Variants in FNBP1L observed in about 807,000 individuals in gnomAD.
FNBP1L encodes formin-binding protein 1-like.
FNBP1L carries 36 observed loss-of-function variants against 91.2 expected under a neutral mutation model. The observed-to-expected ratio is 0.39, with a 90% CI of 0.30 to 0.52. The LOEUF (loss-of-function observed/expected upper bound fraction) is 0.52, where lower values mean the gene tolerates loss of function less well. FNBP1L is among the 20% of genes least tolerant of loss of function. The pLI is 0.66. For synonymous variants in FNBP1L, 242 were observed against 237.0 expected (o/e 1.02, Z -0.19); for missense variants, 571 against 732.1 (o/e 0.78, Z 2.54).
intron 1 of FNBP1L, among the ~76,000 whole-genome samples, chr1:93,467,717 G>A (rs1025435347): frequency 1.3e-5 from 2 of 152,042 alleles, no homozygotes; most frequent in Admixed American, 6.6e-5. Context: ...TGAGGCTGTA[G>A]TGTGCCATAA....
At chr1:93,496,661 C>T (rs1670272247) in intron 1 of FNBP1L, among the ~76,000 whole-genome samples, 1 of 152,084 alleles carries the variant, frequency 6.6e-6, no homozygotes, top group African/African-American at 2.4e-5. Flanking sequence ...GCCTCGGCCT[C>T]CCAAAGTGCT....
chr1:93,477,250 T>A (rs1669528702), intron 1 of FNBP1L, among the ~76,000 whole-genome samples: 2 of 152,226 alleles, frequency 1.3e-5, no homozygotes, highest in Non-Finnish European at 2.9e-5. Context: ...GGGTAGTAGA[T>A]GGCTAATTAT....
chr1:93,547,083 G>A (rs947571240), intron 13 of FNBP1L, 109 bp downstream of exon 13: 9 of 1,272,252 alleles, frequency 7.1e-6, no homozygotes, highest in Non-Finnish European at 8.7e-6. Flanking sequence ...TAATGTTAGG[G>A]TTTATGATCT....
At chr1:93,502,539 T>C (rs111434278) in intron 2 of FNBP1L, among the ~76,000 whole-genome samples, 2,447 of 152,300 alleles carry the variant, frequency 0.016, 67 homozygotes, top group African/African-American at 0.045. Context: ...TTGCCTTCTC[T>C]CTGTTCTGAG....
chr1:93,467,728 T>C (rs898969901), intron 1 of FNBP1L, among the ~76,000 whole-genome samples: 2 of 152,196 alleles, frequency 1.3e-5, no homozygotes, highest in South Asian at 2.1e-4. Flanking sequence ...TGTGCCATAA[T>C]TGTGCCTGTT....
chr1:93,544,750 T>C (rs541206739), intron 12 of FNBP1L, among the ~76,000 whole-genome samples: 2 of 152,314 alleles, frequency 1.3e-5, no homozygotes, highest in East Asian at 3.9e-4. Flanking sequence ...TGACTTGCTA[T>C]GTCTTCACTT....
chr1:93,467,850 G>C (rs936105881), intron 1 of FNBP1L, among the ~76,000 whole-genome samples: 1 of 152,076 alleles, frequency 6.6e-6, no homozygotes, highest in African/African-American at 2.4e-5. Context: ...GAGGTGAGAG[G>C]ATCACTTGAG....
At chr1:93,448,718 G>A (rs938295856) in intron 1 of FNBP1L, among the ~76,000 whole-genome samples, 12 of 152,282 alleles carry the variant, frequency 7.9e-5, no homozygotes, top group African/African-American at 2.9e-4. Context: ...TTGTCCCCAA[G>A]GGGCGCTGTT....
chr1:93,527,525 C>T (rs553710848), intron 5 of FNBP1L, among the ~76,000 whole-genome samples: 47 of 152,092 alleles, frequency 3.1e-4, no homozygotes, highest in Non-Finnish European at 5.6e-4. Context: ...ATTCTCAGAG[C>T]ACAGGTTGCA....
intron 1 of FNBP1L, among the ~76,000 whole-genome samples, chr1:93,457,046 C>T (rs1668693513): frequency 6.6e-6 from 1 of 151,954 alleles, no homozygotes; most frequent in South Asian, 2.1e-4. Context: ...TGCCACCACA[C>T]CCAGCTAATA....
chr1:93,457,176 C>T (rs1036360160), intron 1 of FNBP1L, among the ~76,000 whole-genome samples: 6 of 152,174 alleles, frequency 3.9e-5, no homozygotes, highest in Non-Finnish European at 8.8e-5. Context: ...TGAGCCACTG[C>T]GTCTGACCTC....
intron 11 of FNBP1L, chr1:93,543,848 G>T: frequency 4.2e-6 from 1 of 236,028 alleles, no homozygotes; most frequent in East Asian, 8.5e-5. Context: ...TCTGTATCTG[G>T]GTATGATTTT....
rs2101702824 is a variant in FNBP1L, at chr1:93,476,113, T to C, written c.25-23355T>C. On this transcript the variant is annotated intron_variant, in intron 1 of 16. Coordinates refer to ENST00000271234, the MANE Select transcript of FNBP1L (RefSeq NM_001164473.3). ...TCTCTTGTTTAATTTCATTGGTATG[T>C]TAGTGCATTAAAACATCATGTGAAA... 2.6e-5 allele frequency among the ~76,000 whole-genome samples: 4 copies of C among 152,356 alleles called. No individual in the cohort carries two copies. In the South Asian group the frequency reaches 8.3e-4, roughly 32 times the overall value.
At chr1:93,533,402 T>TTA (rs1671749108) in intron 8 of FNBP1L, among the ~76,000 whole-genome samples, 1 of 152,206 alleles carries the variant, frequency 6.6e-6, no homozygotes, top group Non-Finnish European at 1.5e-5. Flanking sequence ...AAGTATGTGG[T>TTA]TAGAGTTGCC....
chr1:93,529,299 TAATG>T (rs946418819), intron 5 of FNBP1L, among the ~76,000 whole-genome samples: 42 of 152,244 alleles, frequency 2.8e-4, no homozygotes, highest in African/African-American at 9.9e-4. Flanking sequence ...AGTCTGTAAT[TAATG>T]TCTGATATTT....
chr1:93,460,389 CAAAT>C (rs1205400808), intron 1 of FNBP1L, among the ~76,000 whole-genome samples: 2 of 152,204 alleles, frequency 1.3e-5, no homozygotes, highest in Non-Finnish European at 2.9e-5. Context: ...AGAACAATGA[CAAAT>C]AAATTTCTGT....
Position 93,549,314 on chromosome 1 carries a change from A to G in FNBP1L, c.1539A>G (p.Glu513=). 1 of 1,612,410 alleles carries G rather than the reference A, an allele frequency of 6.2e-7. No individual in the cohort carries two copies. Among genetic ancestry groups the G allele is most frequent in the Non-Finnish European group, 8.5e-7 (1 of 1,179,244 alleles). ...GTTACACTGATGATGCAAACCAGGAAGTCCGTGGGCCACCCCAGCAGCATG... is the reference window on the plus strand; with the variant it reads ...GTTACACTGATGATGCAAACCAGGAGGTCCGTGGGCCACCCCAGCAGCATG... ...EGSYTDDANQ[E]VRGPPQQHGH... is the part of the protein sequence containing the mutation. Residue 513 remains glutamate (E), a synonymous_variant, in exon 15 of 17, where the codon GAA becomes GAG. Transcript: ENST00000271234.
At chr1:93,510,527 T>C (rs1307818400) in intron 2 of FNBP1L, among the ~76,000 whole-genome samples, 23 of 150,784 alleles carry the variant, frequency 1.5e-4, no homozygotes, top group Admixed American at 4.0e-4. Context: ...GCAGAAAAAC[T>C]GGAAACTCTA....
chr1:93,459,129 G>A (rs533498773), intron 1 of FNBP1L, among the ~76,000 whole-genome samples: 113 of 152,214 alleles, frequency 7.4e-4, no homozygotes, highest in Non-Finnish European at 1.4e-3. Flanking sequence ...ACAGAAATTA[G>A]CCAGGTGTGG....
Sources: allele counts gnomAD v4.1 joint callset (sites outside exome capture counted in the v4.1 genomes callset), GRCh38; gene constraint gnomAD v4.1.1; transcripts MANE v1.5; gene names NCBI Gene and HGNC (gene_info 2026-07-23, HGNC 2026-07-21).